CYRIA: variants seen among roughly 807,000 people sequenced by gnomAD.
CYRIA encodes CYFIP-related Rac1 interactor A.
A neutral mutation model predicts 43.9 loss-of-function variants in CYRIA; 15 were observed. That is an observed-to-expected ratio of 0.34 (90% confidence interval 0.23 to 0.53). The LOEUF is 0.53. CYRIA is among the 20% of genes least tolerant of loss of function. The pLI, the probability that CYRIA is intolerant of heterozygous loss-of-function variation, is 0.94. For synonymous variants in CYRIA, 117 were observed against 136.0 expected, an observed-to-expected ratio of 0.86 and a Z score of 0.97; for missense variants, 236 against 394.2, an observed-to-expected ratio of 0.60 and a Z score of 3.40.
intron 9 of CYRIA, 36 bp downstream of exon 9, chr2:16,560,954 A>G: frequency 6.4e-7 from 1 of 1,556,054 alleles, no homozygotes; most frequent in Non-Finnish European, 8.9e-7. Flanking sequence ...GGCTGGGTGA[A>G]GTCTCAACCA....
intron 2 of CYRIA, among the ~76,000 whole-genome samples, chr2:16,593,646 G>T (rs1300780047): frequency 6.7e-6 from 1 of 148,574 alleles, no homozygotes; most frequent in Admixed American, 6.7e-5. Flanking sequence ...TACTCTTTTA[G>T]TAATACTTGG....
At chr2:16,581,857 T>C (rs1241694646) in intron 3 of CYRIA, among the ~76,000 whole-genome samples, 2 of 152,094 alleles carry the variant, frequency 1.3e-5, no homozygotes, top group African/African-American at 4.8e-5. Flanking sequence ...GAGTATTCAA[T>C]AACAAAAAGG....
At position 16,615,207 on chromosome 2, in the gene CYRIA, G is replaced by A. The variant is rs535088451; in HGVS notation, c.-11+8657C>T. Among the ~76,000 whole-genome samples, 8 of 152,330 alleles carry A rather than the reference G, an allele frequency of 5.3e-5. No individual in the cohort carries two copies. In the East Asian group the frequency reaches 1.2e-3, roughly 22 times the overall value. On this transcript the variant is annotated intron_variant, in intron 2 of 11. Transcript: ENST00000381323. ...CCCACCTCAGAACTGCTGAACGCAA[G>A]TCTATGTTTTAATCGAATCCTCAGT...
intron 3 of CYRIA, among the ~76,000 whole-genome samples, chr2:16,576,149 T>C (rs1667338731): frequency 2.0e-5 from 3 of 152,174 alleles, no homozygotes; most frequent in Admixed American, 6.5e-5. Context: ...TTTTGGGAGA[T>C]ATGGATTCAA....
chr2:16,572,703 T>C (rs1467811601), intron 3 of CYRIA, among the ~76,000 whole-genome samples: 1 of 152,194 alleles, frequency 6.6e-6, no homozygotes, highest in East Asian at 1.9e-4. Context: ...TTGAAGACTT[T>C]AGAATTTCTT....
At chr2:16,612,604 G>A (rs926329226) in intron 2 of CYRIA, among the ~76,000 whole-genome samples, 1 of 152,220 alleles carries the variant, frequency 6.6e-6, no homozygotes, top group Non-Finnish European at 1.5e-5. Context: ...CTGCTAGGAT[G>A]TGATGGCCAG....
chr2:16,562,442 T>C (rs997169171), intron 5 of CYRIA, among the ~76,000 whole-genome samples: 17 of 152,154 alleles, frequency 1.1e-4, no homozygotes, highest in South Asian at 4.1e-4. Context: ...ACCACAGATA[T>C]GTGTTTTTGG....
intron 1 of CYRIA, among the ~76,000 whole-genome samples, chr2:16,631,865 C>A (rs1160594101): frequency 1.3e-5 from 2 of 152,190 alleles, no homozygotes; most frequent in Non-Finnish European, 2.9e-5. Context: ...TAGAGTCAGT[C>A]TGGCTACAGT....
chr2:16,568,921 GAA>G (rs1452394304), intron 3 of CYRIA, among the ~76,000 whole-genome samples: 1 of 152,034 alleles, frequency 6.6e-6, no homozygotes, highest in Non-Finnish European at 1.5e-5. Flanking sequence ...AGGAGAGCTG[GAA>G]ATTTTTTTTA....
At chr2:16,658,436 G>A (rs1018893991) in intron 1 of CYRIA, among the ~76,000 whole-genome samples, 3 of 152,214 alleles carry the variant, frequency 2.0e-5, no homozygotes, top group Non-Finnish European at 4.4e-5. Flanking sequence ...CAATATTCCT[G>A]AGACACAAAC....
rs187499683 is a variant in CYRIA at position 16,585,143 on chromosome 2, C to T, written c.70+2907G>A. On this transcript the variant is annotated intron_variant, in intron 3 of 11. Coordinates refer to ENST00000381323, the MANE Select transcript of CYRIA (RefSeq NM_030797.4). ...AATCCAGAGACTCAAGGAGAAATCACGATAGCAGCCCACCTTCCCTACCCC... is the reference window on the plus strand; with the variant it reads ...AATCCAGAGACTCAAGGAGAAATCATGATAGCAGCCCACCTTCCCTACCCC... Among the ~76,000 whole-genome samples the T allele has an allele frequency of 2.7e-3, 412 of 152,236 alleles. 2 individuals are homozygous for T. The highest frequency in any genetic ancestry group is 9.4e-3 in the African/African-American group (389 of 41,538).
chr2:16,562,199 G>A, intron 5 of CYRIA, 58 bp from the exon 6 acceptor site: 1 of 1,551,958 alleles, frequency 6.4e-7, no homozygotes, highest in Non-Finnish European at 8.7e-7. Context: ...GTCCTTCAAA[G>A]AACACAATTC....
intron 2 of CYRIA, among the ~76,000 whole-genome samples, chr2:16,610,727 A>G (rs1419075212): frequency 6.6e-6 from 1 of 151,824 alleles, no homozygotes; most frequent in East Asian, 2.0e-4. Flanking sequence ...TTACAAGCAT[A>G]ACCAAAATTT....
chr2:16,615,207 G>GTCTATGTTTTAA (rs1433222711), intron 2 of CYRIA, among the ~76,000 whole-genome samples: 2 of 152,212 alleles, frequency 1.3e-5, no homozygotes, highest in African/African-American at 4.8e-5. Flanking sequence ...CTGAACGCAA[G>GTCTATGTTTTAA]TCTATGTTTT....
Sources: gnomAD v4.1 joint callset for allele counts (sites outside exome capture counted in the v4.1 genomes callset) on GRCh38, gnomAD v4.1.1 for gene constraint, MANE v1.5 for transcripts, NCBI Gene and HGNC (gene_info 2026-07-23, HGNC 2026-07-21) for gene names.